Variants in REDIC1 observed in about 807,000 individuals in gnomAD.
REDIC1 encodes regulator of DNA class I crossover intermediates 1.
chr12:39,877,077 G>C, the REDIC1 span, among the ~76,000 whole-genome samples: 18,903 of 152,068 alleles, frequency 0.12, 1,636 homozygotes, highest in Non-Finnish European at 0.17. Context: ...CATTAAAAGA[G>C]GTTCTTTTAA....
the REDIC1 span, among the ~76,000 whole-genome samples, chr12:39,681,274 C>T: frequency 1.3e-5 from 2 of 152,098 alleles, no homozygotes; most frequent in East Asian, 3.9e-4. Context: ...CTCCATCTCC[C>T]ACACACACAA....
the REDIC1 span, among the ~76,000 whole-genome samples, chr12:39,711,584 CATGTGT>C: frequency 7.8e-5 from 4 of 51,028 alleles, no homozygotes; most frequent in Non-Finnish European, 2.2e-4. Context: ...CATACACATG[CATGTGT>C]ATATGTGTAT....
the REDIC1 span, among the ~76,000 whole-genome samples, chr12:39,818,512 T>A: frequency 6.6e-6 from 1 of 152,176 alleles, no homozygotes; most frequent in Non-Finnish European, 1.5e-5. Context: ...AACTCTAACT[T>A]TATAAGTAGC....
At chr12:39,891,895 T>C in the REDIC1 span, among the ~76,000 whole-genome samples, 1 of 152,182 alleles carries the variant, frequency 6.6e-6, no homozygotes, top group Non-Finnish European at 1.5e-5. Context: ...TATTATTAGT[T>C]GTCTATGGTT....
the REDIC1 span, chr12:39,745,901 T>A: frequency 2.6e-5 from 4 of 152,268 alleles, no homozygotes; most frequent in Non-Finnish European, 5.9e-5. Flanking sequence ...ACTGCAGGAA[T>A]GCTTGAGATG....
At chr12:39,737,923 G>A in the REDIC1 span, among the ~76,000 whole-genome samples, 279 of 152,254 alleles carry the variant, frequency 1.8e-3, no homozygotes, top group African/African-American at 5.9e-3. Flanking sequence ...TCCATAGAAA[G>A]AATCTACCAA....
chr12:39,846,819 T>G, the REDIC1 span, among the ~76,000 whole-genome samples: 3 of 152,154 alleles, frequency 2.0e-5, no homozygotes, highest in Non-Finnish European at 4.4e-5. Context: ...TATCTCAGTC[T>G]TTCTGAAGGA....
At chr12:39,640,203 C>T in the REDIC1 span, among the ~76,000 whole-genome samples, 4 of 151,684 alleles carry the variant, frequency 2.6e-5, no homozygotes, top group Non-Finnish European at 4.4e-5. Flanking sequence ...GCAGTGTCTT[C>T]GTGATTCAGA....
the REDIC1 span, among the ~76,000 whole-genome samples, chr12:39,627,100 A>C: frequency 6.6e-6 from 1 of 152,178 alleles, no homozygotes; most frequent in Non-Finnish European, 1.5e-5. Context: ...TTTTTGTCAC[A>C]AGTAGACCCA....
chr12:39,699,332 G>A, the REDIC1 span, among the ~76,000 whole-genome samples: 2 of 152,196 alleles, frequency 1.3e-5, no homozygotes, highest in African/African-American at 2.4e-5. Flanking sequence ...TCAAAGAAAG[G>A]GGTGACAGAC....
chr12:39,769,583 T>C, the REDIC1 span, among the ~76,000 whole-genome samples: 1 of 152,066 alleles, frequency 6.6e-6, no homozygotes, highest in Non-Finnish European at 1.5e-5. Flanking sequence ...GGTACAAGTC[T>C]GTCACCCTTT....
the REDIC1 span, among the ~76,000 whole-genome samples, chr12:39,729,083 A>G: frequency 1.3e-5 from 2 of 151,830 alleles, no homozygotes; most frequent in Non-Finnish European, 2.9e-5. Context: ...TGGTCTATCT[A>G]TTTTGTTAAT....
chr12:39,714,519 T>G, the REDIC1 span, among the ~76,000 whole-genome samples: 1 of 151,598 alleles, frequency 6.6e-6, no homozygotes, highest in Admixed American at 6.6e-5. Context: ...TGTAAACGTG[T>G]GTGAAAGTAT....
chr12:39,777,943 T>C, the REDIC1 span, among the ~76,000 whole-genome samples: 1 of 152,348 alleles, frequency 6.6e-6, no homozygotes, highest in African/African-American at 2.4e-5. Context: ...AGGGGTCTAA[T>C]TGAGCTGACT....
At chr12:39,629,337 CT>C in the REDIC1 span, among the ~76,000 whole-genome samples, 1 of 152,126 alleles carries the variant, frequency 6.6e-6, no homozygotes, top group Admixed American at 6.5e-5. Flanking sequence ...TCTCTATATA[CT>C]TTTTCTCAAG....
the REDIC1 span, among the ~76,000 whole-genome samples, chr12:39,700,899 C>A: frequency 7.6e-4 from 115 of 152,182 alleles, 3 homozygotes; most frequent in African/African-American, 2.6e-3. Context: ...GAGATTTTGT[C>A]ACCACCAGGC....
chr12:39,803,298 T>G, the REDIC1 span, among the ~76,000 whole-genome samples: 1 of 151,412 alleles, frequency 6.6e-6, no homozygotes, highest in Non-Finnish European at 1.5e-5. Flanking sequence ...AATAGACTTA[T>G]ATGACAATTA....
At chr12:39,648,904 A>T in the REDIC1 span, among the ~76,000 whole-genome samples, 2 of 151,778 alleles carry the variant, frequency 1.3e-5, no homozygotes, top group African/African-American at 4.8e-5. Flanking sequence ...AGAGAAAATG[A>T]AGTATTACAT....
At chr12:39,793,294 G>T in the REDIC1 span, among the ~76,000 whole-genome samples, 1 of 152,082 alleles carries the variant, frequency 6.6e-6, no homozygotes, top group East Asian at 1.9e-4. Flanking sequence ...GTGCAAAATT[G>T]TACATTAAAA....
Sources: allele counts gnomAD v4.1 joint callset (sites outside exome capture counted in the v4.1 genomes callset), GRCh38; gene constraint gnomAD v4.1.1; transcripts MANE v1.5; gene names NCBI Gene and HGNC (gene_info 2026-07-23, HGNC 2026-07-21).